ASXL1: variants seen among roughly 807,000 people sequenced by gnomAD.
ASXL1 encodes ASXL transcriptional regulator 1.
In ASXL1, 65 loss-of-function variants were observed where a neutral mutation model predicts 89.1. The ratio of observed to expected loss-of-function variants is 0.73; its 90% CI spans 0.60 to 0.90. The LOEUF (loss-of-function observed/expected upper bound fraction) is 0.90, where lower values mean the gene tolerates loss of function less well. Ranked by LOEUF, ASXL1 falls within the 40% of genes least tolerant of loss-of-function variation. The pLI is 0.00. For synonymous variants in ASXL1, 739 were observed against 746.9 expected, an observed-to-expected ratio of 0.99 and a Z score of 0.17; for missense variants, 1,786 against 1,942.9, an observed-to-expected ratio of 0.92 and a Z score of 1.52.
chr20:32,438,145 A>G lies in ASXL1; in HGVS notation c.*807A>G. 4.3e-6 allele frequency: 1 copy of G among 233,468 alleles called. No homozygotes were observed. Among genetic ancestry groups the G allele is most frequent in the East Asian group, 6.0e-5 (1 of 16,558 alleles). 14.5% of individuals were successfully genotyped at this position (233,468 alleles called of 1,614,324 possible). ...CCTATGGGAGTGGGCATCTCCACGC[A>G]CCTGTGTATGTGAAAGTCATTTTAC... is the stretch of plus-strand genomic sequence containing the variant. On this transcript the variant is annotated 3_prime_UTR_variant, in exon 13 of 13. Coordinates refer to ENST00000375687, the MANE Select transcript of ASXL1 (RefSeq NM_015338.6).
chr20:32,411,557 T>A (rs11698976), intron 4 of ASXL1, among the ~76,000 whole-genome samples: 42,601 of 133,418 alleles, frequency 0.32, 7,626 homozygotes, highest in Middle Eastern at 0.51. Flanking sequence ...TTTTTTTTTT[T>A]AAAATATGAA....
intron 1 of ASXL1, chr20:32,359,158 G>C: frequency 3.0e-6 from 2 of 662,850 alleles, no homozygotes; most frequent in East Asian, 2.7e-5. Flanking sequence ...GCAGCGTCTG[G>C]GGGTCTGGGG....
At chr20:32,362,726 G>A (rs1031204489) in intron 1 of ASXL1, among the ~76,000 whole-genome samples, 6 of 152,198 alleles carry the variant, frequency 3.9e-5, no homozygotes, top group Non-Finnish European at 7.3e-5. Context: ...GTGTACCCCA[G>A]GAGATTGATT....
At chr20:32,428,652 CTTTTTTTTTT>C (rs35966674) in intron 6 of ASXL1, 6 of 147,896 alleles carry the variant, frequency 4.1e-5, no homozygotes, top group African/African-American at 6.0e-5. Context: ...TTTGTTCATT[CTTTTTTTTTT>C]TTTTTTTTTT....
At chr20:32,428,987 A>C in intron 6 of ASXL1, 1 of 365,220 alleles carries the variant, frequency 2.7e-6, no homozygotes, top group Non-Finnish European at 5.3e-6. Flanking sequence ...TGTAATATAC[A>C]CGTGAACATT....
intron 4 of ASXL1, among the ~76,000 whole-genome samples, chr20:32,400,745 A>G (rs975588662): frequency 5.3e-5 from 8 of 152,150 alleles, no homozygotes; most frequent in Non-Finnish European, 7.4e-5. Flanking sequence ...GCTGTCTTCA[A>G]TTTTGAGTTC....
At chr20:32,366,622 C>T in intron 2 of ASXL1, 156 bp downstream of exon 2, 1 of 938,526 alleles carries the variant, frequency 1.1e-6, no homozygotes, top group South Asian at 4.9e-5. Context: ...TGTGTCGTCT[C>T]AGTGGAGGGT....
intron 10 of ASXL1, 182 bp from the exon 11 acceptor site, chr20:32,432,698 C>T (rs1402657766): frequency 1.5e-5 from 10 of 684,262 alleles, no homozygotes; most frequent in Non-Finnish European, 2.2e-5. Context: ...GTTGCTTGGT[C>T]TCACTTTAAG....
At chr20:32,375,855 T>C (rs189155333) in intron 4 of ASXL1, among the ~76,000 whole-genome samples, 60 of 152,270 alleles carry the variant, frequency 3.9e-4, no homozygotes, top group Non-Finnish European at 6.2e-4. Flanking sequence ...CTAATTTTTG[T>C]ATTTTTAATA....
chr20:32,382,380 C>T (rs1470981053), intron 4 of ASXL1, among the ~76,000 whole-genome samples: 1 of 151,780 alleles, frequency 6.6e-6, no homozygotes, highest in Non-Finnish European at 1.5e-5. Flanking sequence ...GTTGTAATTG[C>T]TGAAGGAAAA....
Position 32,433,985 on chromosome 20 carries a change from G to A in ASXL1, c.1719+68G>A, listed in dbSNP as rs551638947. The A allele has an allele frequency of 1.7e-5, 27 of 1,590,000 alleles. No individual in the cohort carries two copies. The East Asian group carries it at 4.9e-4, about 29-fold the overall frequency. ...TCTTTGAGGGTCATGAGATTATAGAGCCCTTAACTCTGGGGCCCTGAAGTT... is the reference window on the plus strand; with the variant it reads ...TCTTTGAGGGTCATGAGATTATAGAACCCTTAACTCTGGGGCCCTGAAGTT... On this transcript the variant is annotated intron_variant, in intron 12 of 12. Transcript: ENST00000375687.
At chr20:32,421,666 T>G (rs2049252144) in intron 4 of ASXL1, among the ~76,000 whole-genome samples, 1 of 152,104 alleles carries the variant, frequency 6.6e-6, no homozygotes, top group African/African-American at 2.4e-5. Flanking sequence ...TATTAGTCTG[T>G]AATAACAAAT....
At position 32,410,899 on chromosome 20, in the gene ASXL1, C is replaced by T. The variant is rs139536797; in HGVS notation, c.253-17229C>T. Reference sequence around the variant, plus strand: ...CAAAAAAATTAGCTGGACATGATGGCGCATGCCTGTAATCTCAGCTACTGG... The same window carrying T: ...CAAAAAAATTAGCTGGACATGATGGTGCATGCCTGTAATCTCAGCTACTGG... On this transcript the variant is annotated intron_variant, in intron 4 of 12. Coordinates refer to ENST00000375687, the MANE Select transcript of ASXL1 (RefSeq NM_015338.6). Among the ~76,000 whole-genome samples the T allele has an allele frequency of 8.3e-3, 1,253 of 151,836 alleles. 57 individuals are homozygous for T. Among genetic ancestry groups the T allele is most frequent in the Admixed American group, 0.073 (1,111 of 15,254 alleles).
chr20:32,366,550 C>T, intron 2 of ASXL1, 84 bp downstream of exon 2: 11 of 1,606,096 alleles, frequency 6.8e-6, no homozygotes, highest in Non-Finnish European at 9.4e-6. Context: ...GTAAGTACAC[C>T]TGTGTATGTA....
chr20:32,366,516 C>A (rs2122812811), intron 2 of ASXL1, 50 bp downstream of exon 2: 1 of 1,613,042 alleles, frequency 6.2e-7, no homozygotes, highest in Non-Finnish European at 8.5e-7. Context: ...GGATATGTGT[C>A]TTTCTGTAGT....
Position 32,358,728 on chromosome 20 carries a change from CCAGCCCGGA to C in ASXL1, c.-47_-39del, listed in dbSNP as rs1225785147. ...GCCCCGCGCCACCGCCCCAGCCCGC[CCAGCCCGGA>C]GGTCCCGCGTGGAGCTGCCGCCGCC... On this transcript the variant is annotated 5_prime_UTR_variant, in exon 1 of 13. Transcript: ENST00000375687. 6 of 1,245,332 alleles carry C rather than the reference CCAGCCCGGA, an allele frequency of 4.8e-6. No individual in the cohort carries two copies. Among genetic ancestry groups the C allele is most frequent in the Non-Finnish European group, 6.5e-6 (6 of 923,114 alleles). 77.1% of individuals were successfully genotyped at this position (1,245,332 alleles called of 1,614,324 possible). A position where few individuals can be genotyped will look rare whatever the true frequency, so the allele number is the denominator to read the frequency against.
In ASXL1 at chr20:32,436,835, G is replaced by T. The variant is rs191965193; in HGVS notation, c.4123G>T (p.Gly1375Trp). The T allele has an allele frequency of 6.2e-7, 1 of 1,614,174 alleles. No homozygotes were observed. The highest frequency in any genetic ancestry group is 2.2e-5 in the East Asian group (1 of 44,882). Residue 1375 changes from glycine to tryptophan, a missense_variant, in exon 13 of 13, where the codon GGG becomes TGG. Gly to Trp is a radical substitution (Grantham distance 184, BLOSUM62 -2). Coordinates refer to ENST00000375687, the MANE Select transcript of ASXL1 (RefSeq NM_015338.6). ...CGTCAAGAATGAGAAGACTTTTGTG[G>T]GGGGTCCTCTTAAGGCAAATGCCGA... ...GSVKNEKTFVGGPLKANAENR... is the reference protein window; with the variant it reads ...GSVKNEKTFVWGPLKANAENR...
In ASXL1 at chr20:32,433,586, GTCCCCA is replaced by G; in HGVS notation, c.1391_1396del (p.Pro464_His465del). ...AAGACTGACCCAGCAGGGCTGAGCA[GTCCCCA>G]TCTGCCAGGCACATCCTCTGCAGCA... On this transcript the variant is annotated inframe_deletion, in exon 12 of 13. Coordinates refer to ENST00000375687, the MANE Select transcript of ASXL1 (RefSeq NM_015338.6). 6.2e-7 allele frequency: 1 copy of G among 1,614,178 alleles called. No homozygotes were observed. Among genetic ancestry groups the G allele is most frequent in the Non-Finnish European group, 8.5e-7 (1 of 1,180,030 alleles).
At chr20:32,407,478 T>C (rs1449826138) in intron 4 of ASXL1, among the ~76,000 whole-genome samples, 1 of 152,178 alleles carries the variant, frequency 6.6e-6, no homozygotes, top group Non-Finnish European at 1.5e-5. Flanking sequence ...TTTTCTTTTT[T>C]TTGAGACAGG....
Sources: allele counts gnomAD v4.1 joint callset (sites outside exome capture counted in the v4.1 genomes callset), GRCh38; gene constraint gnomAD v4.1.1; transcripts MANE v1.5; gene names NCBI Gene and HGNC (gene_info 2026-07-23, HGNC 2026-07-21).